MAST2: variants seen among roughly 807,000 people sequenced by gnomAD.
MAST2 encodes the protein microtubule-associated serine/threonine-protein kinase 2.
MAST2 carries 70 observed loss-of-function variants against 147.4 expected under a neutral mutation model. The observed-to-expected ratio is 0.47, with a 90% CI of 0.39 to 0.58. MAST2 has a LOEUF of 0.58. Among genes scored for constraint, MAST2 ranks in the 20% least tolerant of loss-of-function variants. The pLI is 0.00. For missense variants in MAST2, 2,080 were observed against 2,302.3 expected (o/e 0.90, Z 1.98); for synonymous variants, 869 against 896.8 (o/e 0.97, Z 0.55).
chr1:45,884,809 T>C (rs555641270), intron 4 of MAST2, among the ~76,000 whole-genome samples: 1 of 152,180 alleles, frequency 6.6e-6, no homozygotes, highest in Non-Finnish European at 1.5e-5. Flanking sequence ...TAACAAATTA[T>C]GTGTGGCTTT....
chr1:46,028,221 G>C (rs1190138882), intron 17 of MAST2, among the ~76,000 whole-genome samples: 1 of 152,230 alleles, frequency 6.6e-6, no homozygotes, highest in Non-Finnish European at 1.5e-5. Flanking sequence ...TTCCTCCTCA[G>C]GGTTTGGGGA....
chr1:46,020,204 G>A (rs1005825332), intron 11 of MAST2, among the ~76,000 whole-genome samples: 1 of 152,182 alleles, frequency 6.6e-6, no homozygotes, highest in South Asian at 2.1e-4. Flanking sequence ...AGTACACAGC[G>A]TAACGGGAAC....
At chr1:45,815,516 G>A (rs573039613) in intron 1 of MAST2, among the ~76,000 whole-genome samples, 1 of 152,032 alleles carries the variant, frequency 6.6e-6, no homozygotes, top group South Asian at 2.1e-4. Flanking sequence ...AAAAGCAGAG[G>A]ATTTAGAAAT....
chr1:45,899,307 CTTTTT>C (rs770069959), intron 4 of MAST2, among the ~76,000 whole-genome samples: 2 of 108,028 alleles, frequency 1.9e-5, no homozygotes, highest in Admixed American at 2.2e-4. Context: ...CCTTTCTTTT[CTTTTT>C]TTTTTTTTTT....
At chr1:45,938,674 G>A (rs1273006577) in intron 4 of MAST2, among the ~76,000 whole-genome samples, 1 of 152,170 alleles carries the variant, frequency 6.6e-6, no homozygotes, top group East Asian at 1.9e-4. Context: ...GCAGTGGACT[G>A]CATCATTTCA....
At chr1:46,006,725 A>G (rs765666526) in intron 8 of MAST2, 4 of 185,562 alleles carry the variant, frequency 2.2e-5, no homozygotes, top group Non-Finnish European at 4.4e-5. Flanking sequence ...GGCTTCAGGT[A>G]CAGCTCAACC....
At chr1:45,911,799 A>G (rs769315096) in intron 4 of MAST2, among the ~76,000 whole-genome samples, 11 of 149,698 alleles carry the variant, frequency 7.3e-5, no homozygotes, top group Non-Finnish European at 1.0e-4. Context: ...ATAGAACCTA[A>G]TAGTTAAGCA....
chr1:45,828,055 T>C (rs909785185), intron 2 of MAST2, among the ~76,000 whole-genome samples: 3 of 152,092 alleles, frequency 2.0e-5, no homozygotes, highest in Admixed American at 6.6e-5. Context: ...GGTCTTGAAC[T>C]CCTGGGCTCA....
chr1:45,937,452 A>G (rs1176720006), intron 4 of MAST2, among the ~76,000 whole-genome samples: 1 of 151,988 alleles, frequency 6.6e-6, no homozygotes, highest in Non-Finnish European at 1.5e-5. Context: ...TACAAAGTAT[A>G]AAATATGCCC....
rs1646550647 is a variant in MAST2, at chr1:46,029,523, C to G, written c.2276C>G (p.Thr759Ser). Residue 759 changes from threonine to serine, a missense_variant, in exon 19 of 29, where the codon ACC (threonine) becomes AGC (serine). Coordinates refer to ENST00000361297, the MANE Select transcript of MAST2 (RefSeq NM_015112.3). ...EALPPDAQDL[T>S]SKLLHQNPLE... ...CTGCCCCCAGACGCCCAGGACCTCA[C>G]CTCCAAACTGCTCCACCAGAACCCT... 1.2e-6 allele frequency: 2 copies of G among 1,614,148 alleles called. No individual in the cohort carries two copies. Among genetic ancestry groups the G allele is most frequent in the Non-Finnish European group, 1.7e-6 (2 of 1,180,012 alleles).
Position 45,834,217 on chromosome 1 carries a change from TTAAA to T in MAST2, c.468+4643_468+4646del, listed in dbSNP as rs777295177. 7.9e-5 allele frequency among the ~76,000 whole-genome samples: 12 copies of T among 152,244 alleles called. No individual in the cohort carries two copies. In the East Asian group the frequency reaches 1.2e-3, roughly 15 times the overall value. ...ATTTAAAAATAATAAAACATCACAT[TTAAA>T]TAAATATTGTATTGATTTTTATTTA... On this transcript the variant is annotated intron_variant, in intron 3 of 28. Transcript: ENST00000361297.
At chr1:45,845,414 A>T (rs1645400273) in intron 3 of MAST2, among the ~76,000 whole-genome samples, 1 of 152,204 alleles carries the variant, frequency 6.6e-6, no homozygotes, top group Non-Finnish European at 1.5e-5. Flanking sequence ...TAAACTGTTA[A>T]CAAGACTTAG....
chr1:45,855,333 C>CTT lies in MAST2; in HGVS notation c.468+25760_468+25761dup, dbSNP rs61043854. Among the ~76,000 whole-genome samples the CTT allele has an allele frequency of 3.2e-4, 48 of 150,882 alleles. No individual in the cohort carries two copies. The South Asian group carries it at 3.8e-3, about 12-fold the overall frequency. On this transcript the variant is annotated intron_variant, in intron 3 of 28. Transcript: ENST00000361297. ...CACAATAAGTTTTGAGGAGAAATGGCTTTTTTTTTCTATTTGATTCTTCTG... is the reference window on the plus strand; with the variant it reads ...CACAATAAGTTTTGAGGAGAAATGGCTTTTTTTTTTTCTATTTGATTCTTCTG...
In MAST2 at chr1:45,942,530, CTT is replaced by C. The variant is rs567625278; in HGVS notation, c.501-16853_501-16852del. 7.2e-3 allele frequency among the ~76,000 whole-genome samples: 1,090 copies of C among 152,122 alleles called. 15 individuals are homozygous for C. The highest frequency in any genetic ancestry group is 0.018 in the South Asian group (86 of 4,818). On this transcript the variant is annotated intron_variant, in intron 4 of 28. Coordinates refer to ENST00000361297, the MANE Select transcript of MAST2 (RefSeq NM_015112.3). Reference sequence around the variant, plus strand: ...CATTTATTTTTTATTTATTTTTTAACTTTTAGGTTTGGGGTACATATGCAGGT... The same window carrying C: ...CATTTATTTTTTATTTATTTTTTAACTTAGGTTTGGGGTACATATGCAGGT...
At chr1:45,920,244 C>T (rs143932983) in intron 4 of MAST2, among the ~76,000 whole-genome samples, 1 of 152,318 alleles carries the variant, frequency 6.6e-6, no homozygotes, top group African/African-American at 2.4e-5. Context: ...CAGCTAAAAA[C>T]TCAGAGGAAG....
At chr1:46,029,106 G>T (rs1646531751) in intron 18 of MAST2, 173 bp downstream of exon 18, 3 of 691,462 alleles carry the variant, frequency 4.3e-6, no homozygotes, top group Non-Finnish European at 4.7e-6. Flanking sequence ...ACATACATGT[G>T]CACACTGTGT....
chr1:45,966,437 A>C (rs1661212229), intron 5 of MAST2, among the ~76,000 whole-genome samples: 1 of 152,170 alleles, frequency 6.6e-6, no homozygotes, highest in African/African-American at 2.4e-5. Context: ...AAAAAAAAAA[A>C]AAAAACTCTT....
Position 46,030,622 on chromosome 1 carries a change from G to C in MAST2, c.2569G>C (p.Glu857Gln). ...PRFNKVYSSM[E>Q]RLSLLEERRT... ...GTGCCCACAGGTGTACAGCAGCATG[G>C]AGCGGCTCTCACTGCTCGAGGAGCG... Residue 857 changes from glutamate to glutamine, a missense_variant, in exon 22 of 29, where the codon GAG becomes CAG. Glu to Gln is a conservative substitution (Grantham distance 29). This residue lies in a region of MAST2 where 1,278 missense variants were observed against 1,304.2 expected (regional missense o/e 0.98). Coordinates refer to ENST00000361297, the MANE Select transcript of MAST2 (RefSeq NM_015112.3). The C allele has an allele frequency of 6.2e-7, 1 of 1,610,578 alleles. No homozygotes were observed. Among genetic ancestry groups the C allele is most frequent in the Non-Finnish European group, 8.5e-7 (1 of 1,178,994 alleles).
intron 3 of MAST2, among the ~76,000 whole-genome samples, chr1:45,841,862 T>A (rs1206589937): frequency 6.6e-6 from 1 of 152,178 alleles, no homozygotes; most frequent in Non-Finnish European, 1.5e-5. Context: ...CATGGTAAAT[T>A]ATTACATTTG....
Sources: allele counts gnomAD v4.1 joint callset (sites outside exome capture counted in the v4.1 genomes callset), GRCh38; gene constraint gnomAD v4.1.1; regional missense constraint gnomAD v4.1.1; transcripts MANE v1.5; gene names NCBI Gene and HGNC (gene_info 2026-07-23, HGNC 2026-07-21).